The following WDR7 variants were observed in gnomAD, a reference collection of about 807,000 sequenced individuals.
WDR7 encodes the protein WD repeat domain 7, also known as WD repeat-containing protein 7.
WDR7 carries 46 observed loss-of-function variants against 169.4 expected under a neutral mutation model. The ratio of observed to expected loss-of-function variants is 0.27; its 90% CI spans 0.21 to 0.35. WDR7 has a LOEUF of 0.35. Among genes scored for constraint, WDR7 ranks in the 10% least tolerant of loss-of-function variants. The pLI, the probability that WDR7 is intolerant of heterozygous loss-of-function variation, is 1.00. For synonymous variants in WDR7, 612 were observed against 666.8 expected (o/e 0.92, Z 1.27); for missense variants, 1,534 against 1,859.3 (o/e 0.83, Z 3.22).
chr18:56,776,909 T>C (rs569541752), intron 17 of WDR7, 29 bp downstream of exon 17: 3 of 1,567,610 alleles, frequency 1.9e-6, no homozygotes, highest in Non-Finnish European at 2.6e-6. Flanking sequence ...AACAACTTTC[T>C]CTCAATCTGT....
intron 13 of WDR7, among the ~76,000 whole-genome samples, chr18:56,726,760 C>T (rs1395588470): frequency 6.6e-6 from 1 of 152,042 alleles, no homozygotes; most frequent in Non-Finnish European, 1.5e-5. Context: ...AATTATTATC[C>T]ACTGCAAATG....
chr18:56,981,663 G>A (rs1048776250), intron 26 of WDR7, among the ~76,000 whole-genome samples: 1 of 152,126 alleles, frequency 6.6e-6, no homozygotes, highest in Non-Finnish European at 1.5e-5. Flanking sequence ...AAGAAATGCT[G>A]CCAAAAGGTC....
intron 16 of WDR7, among the ~76,000 whole-genome samples, chr18:56,762,461 CTT>C (rs2043993370): frequency 6.6e-6 from 1 of 151,880 alleles, no homozygotes; most frequent in Non-Finnish European, 1.5e-5. Context: ...ATCTCATTGA[CTT>C]TTCAGATTTT....
At chr18:57,006,295 A>G (rs1331567854) in intron 26 of WDR7, among the ~76,000 whole-genome samples, 1 of 150,824 alleles carries the variant, frequency 6.6e-6, no homozygotes, top group Non-Finnish European at 1.5e-5. Context: ...TGGAAAGAAC[A>G]TAAGTTAAAA....
intron 26 of WDR7, among the ~76,000 whole-genome samples, chr18:57,003,185 A>G (rs766740894): frequency 2.6e-5 from 4 of 151,940 alleles, no homozygotes; most frequent in African/African-American, 4.8e-5. Flanking sequence ...TTAAACATGG[A>G]TGAACTTCAG....
intron 11 of WDR7, among the ~76,000 whole-genome samples, chr18:56,695,607 G>A (rs1055377704): frequency 2.0e-5 from 3 of 150,152 alleles, no homozygotes; most frequent in East Asian, 2.0e-4. Flanking sequence ...GCATGATCTC[G>A]GCTCACTACA....
At chr18:56,807,406 G>T (rs1218594905) in intron 19 of WDR7, among the ~76,000 whole-genome samples, 1 of 152,068 alleles carries the variant, frequency 6.6e-6, no homozygotes, top group African/African-American at 2.4e-5. Context: ...AATTGGTGTT[G>T]TCAGCTCATA....
At chr18:56,948,253 A>G (rs1368440289) in intron 25 of WDR7, among the ~76,000 whole-genome samples, 1 of 152,190 alleles carries the variant, frequency 6.6e-6, no homozygotes, top group Admixed American at 6.5e-5. Flanking sequence ...CAACTAGTAG[A>G]GGACTCCAAC....
chr18:56,782,481 T>G (rs1014865741), intron 19 of WDR7, among the ~76,000 whole-genome samples: 10 of 152,128 alleles, frequency 6.6e-5, no homozygotes, highest in African/African-American at 2.4e-4. Context: ...AATTTTACCC[T>G]AAATTATATT....
chr18:57,026,767 C>G (rs1599258383), intron 27 of WDR7, among the ~76,000 whole-genome samples: 1 of 152,202 alleles, frequency 6.6e-6, no homozygotes, highest in Non-Finnish European at 1.5e-5. Context: ...TCCATGGACT[C>G]TCCTTTTGTC....
chr18:56,927,218 G>C (rs2046820515), intron 22 of WDR7, among the ~76,000 whole-genome samples: 1 of 152,178 alleles, frequency 6.6e-6, no homozygotes, highest in Non-Finnish European at 1.5e-5. Flanking sequence ...TATCATGGCA[G>C]AGTTCCCTTT....
intron 21 of WDR7, among the ~76,000 whole-genome samples, chr18:56,885,547 G>A (rs111465092): frequency 1.8e-3 from 269 of 152,014 alleles, no homozygotes; most frequent in Non-Finnish European, 3.1e-3. Flanking sequence ...GAACTCAGCT[G>A]GGCGCGGTGG....
At chr18:56,812,917 G>C (rs1200651625) in intron 19 of WDR7, among the ~76,000 whole-genome samples, 1 of 151,482 alleles carries the variant, frequency 6.6e-6, no homozygotes, top group Non-Finnish European at 1.5e-5. Context: ...ATACTTTACC[G>C]GCTCTCTAGG....
chr18:56,978,187 A>G (rs1283275426), intron 26 of WDR7, among the ~76,000 whole-genome samples: 2 of 152,214 alleles, frequency 1.3e-5, no homozygotes, highest in African/African-American at 2.4e-5. Flanking sequence ...TTCAACAAGA[A>G]TGCTAGCATC....
intron 14 of WDR7, among the ~76,000 whole-genome samples, chr18:56,735,133 G>A (rs562441926): frequency 6.6e-6 from 1 of 152,248 alleles, no homozygotes; most frequent in South Asian, 2.1e-4. Flanking sequence ...GAAATGAATT[G>A]TGAGGTTACT....
At chr18:57,005,621 G>C (rs1183580636) in intron 26 of WDR7, among the ~76,000 whole-genome samples, 1 of 151,998 alleles carries the variant, frequency 6.6e-6, no homozygotes, top group South Asian at 2.1e-4. Flanking sequence ...TTTATTATAA[G>C]TACCCCAAAA....
intron 26 of WDR7, among the ~76,000 whole-genome samples, chr18:56,990,745 C>T (rs1398385103): frequency 6.6e-6 from 1 of 152,112 alleles, no homozygotes; most frequent in African/African-American, 2.4e-5. Flanking sequence ...CATAGTTATT[C>T]TGTCTTACCC....
At chr18:56,914,353 T>C (rs1358440202) in intron 21 of WDR7, among the ~76,000 whole-genome samples, 1 of 152,258 alleles carries the variant, frequency 6.6e-6, no homozygotes, top group Non-Finnish European at 1.5e-5. Flanking sequence ...CATTTGTTTA[T>C]TTGGTTTGTA....
At chr18:56,728,966 T>C (rs1324824107) in intron 13 of WDR7, among the ~76,000 whole-genome samples, 1 of 152,180 alleles carries the variant, frequency 6.6e-6, no homozygotes, top group African/African-American at 2.4e-5. Context: ...CTCCTACCTT[T>C]GCTCAGGTGT....
Sources: gnomAD v4.1 joint callset for allele counts (sites outside exome capture counted in the v4.1 genomes callset) on GRCh38, gnomAD v4.1.1 for gene constraint, MANE v1.5 for transcripts, NCBI Gene and HGNC (gene_info 2026-07-23, HGNC 2026-07-21) for gene names.